The following MCPH1 variants were observed in gnomAD, a reference collection of about 807,000 sequenced individuals.
The protein encoded by MCPH1 is microcephalin.
In MCPH1, 104 loss-of-function variants were observed where a neutral mutation model predicts 84.5. The observed-to-expected ratio is 1.23, with a 90% CI of 1.05 to 1.45. The LOEUF is 1.45. Ranked by LOEUF, MCPH1 falls within the 40% of genes most tolerant of loss-of-function variation. The pLI is 0.00. For missense variants in MCPH1, 1,498 were observed against 1,005.7 expected, an observed-to-expected ratio of 1.49 and a Z score of -6.62; for synonymous variants, 514 against 366.8, an observed-to-expected ratio of 1.40 and a Z score of -4.58.
chr8:6,458,342 G>T (rs1805915956), intron 9 of MCPH1, among the ~76,000 whole-genome samples: 1 of 151,762 alleles, frequency 6.6e-6, no homozygotes, highest in South Asian at 2.1e-4. Context: ...CGTAGTGGCG[G>T]GCGCCTGTAG....
intron 7 of MCPH1, among the ~76,000 whole-genome samples, chr8:6,443,843 C>G (rs909957594): frequency 6.6e-6 from 1 of 152,186 alleles, no homozygotes; most frequent in East Asian, 1.9e-4. Flanking sequence ...TAGGAGGTAG[C>G]AGCAGCTTAG....
chr8:6,622,107 C>T (rs949886019), intron 13 of MCPH1: 3 of 327,696 alleles, frequency 9.2e-6, no homozygotes, highest in African/African-American at 2.1e-5. Flanking sequence ...CCTGTCATCT[C>T]CTCTCCCAGG....
Position 6,642,974 on chromosome 8 carries a change from G to A in MCPH1, c.2453-20G>A. On this transcript the variant is annotated intron_variant, in intron 13 of 13. Coordinates refer to ENST00000344683, the MANE Select transcript of MCPH1 (RefSeq NM_024596.5). ...GGCTGGCTATTATGAATGCTAAACT[G>A]CTTTTCGCTCTCTCTCTAGATTCCA... 6.2e-7 allele frequency: 1 copy of A among 1,612,620 alleles called. No homozygotes were observed.
At chr8:6,532,590 A>AG in intron 12 of MCPH1, 1 of 866,358 alleles carries the variant, frequency 1.2e-6, no homozygotes, top group East Asian at 3.0e-5. Flanking sequence ...AAAAAAAAAA[A>AG]AATCTATCAA....
intron 2 of MCPH1, among the ~76,000 whole-genome samples, chr8:6,412,224 A>C (rs1408587397): frequency 6.6e-6 from 1 of 152,116 alleles, no homozygotes; most frequent in East Asian, 1.9e-4. Flanking sequence ...AATACACTGG[A>C]ATGTAGGAAC....
intron 12 of MCPH1, among the ~76,000 whole-genome samples, chr8:6,551,411 G>A (rs1365337313): frequency 6.6e-6 from 1 of 152,192 alleles, no homozygotes; most frequent in Non-Finnish European, 1.5e-5. Context: ...TGTATTAAAA[G>A]TTGTCCAATT....
intron 12 of MCPH1, among the ~76,000 whole-genome samples, chr8:6,576,670 G>C (rs1827131641): frequency 8.5e-6 from 1 of 117,472 alleles, no homozygotes; most frequent in African/African-American, 3.1e-5. Context: ...ACCACGCTCT[G>C]CTAATTTTTG....
chr8:6,607,490 G>C (rs1829879345), intron 12 of MCPH1, among the ~76,000 whole-genome samples: 3 of 152,162 alleles, frequency 2.0e-5, no homozygotes, highest in African/African-American at 7.2e-5. Context: ...ACAGGGAAGG[G>C]CCCCAGCCAT....
At chr8:6,435,083 C>G (rs115618756) in intron 4 of MCPH1, among the ~76,000 whole-genome samples, 186 of 152,200 alleles carry the variant, frequency 1.2e-3, no homozygotes, top group African/African-American at 4.3e-3. Flanking sequence ...TGGATATCAG[C>G]CTGGGGTTTC....
At chr8:6,439,174 C>T in intron 6 of MCPH1, 78 bp downstream of exon 6, 1 of 1,428,628 alleles carries the variant, frequency 7.0e-7, no homozygotes, top group Non-Finnish European at 9.6e-7. Flanking sequence ...TTTTCTTTGC[C>T]TAGATATTTT....
At chr8:6,449,304 G>C (rs541586121) in intron 8 of MCPH1, among the ~76,000 whole-genome samples, 2 of 152,104 alleles carry the variant, frequency 1.3e-5, no homozygotes, top group African/African-American at 4.8e-5. Context: ...AAAATAGGTG[G>C]AAGCTCCTCA....
intron 9 of MCPH1, among the ~76,000 whole-genome samples, chr8:6,461,629 C>G (rs1806311189): frequency 6.6e-6 from 1 of 152,108 alleles, no homozygotes; most frequent in Non-Finnish European, 1.5e-5. Flanking sequence ...CGTGAGCCAC[C>G]ACACCCGGCC....
chr8:6,471,395 A>G (rs1750330404), intron 9 of MCPH1, among the ~76,000 whole-genome samples: 1 of 152,196 alleles, frequency 6.6e-6, no homozygotes, highest in Non-Finnish European at 1.5e-5. Flanking sequence ...ATTGCGCTGA[A>G]AAAAATGATA....
At chr8:6,558,171 A>T (rs1393159010) in intron 12 of MCPH1, among the ~76,000 whole-genome samples, 1 of 152,218 alleles carries the variant, frequency 6.6e-6, no homozygotes, top group Non-Finnish European at 1.5e-5. Context: ...TACGTGTTTT[A>T]AAAAGAAGGA....
intron 8 of MCPH1, among the ~76,000 whole-genome samples, chr8:6,452,178 T>C (rs966745304): frequency 2.0e-5 from 3 of 152,204 alleles, no homozygotes; most frequent in Non-Finnish European, 4.4e-5. Flanking sequence ...AAAGTGATCA[T>C]ATTAGTCATT....
chr8:6,425,133 T>C (rs566046039), intron 3 of MCPH1, among the ~76,000 whole-genome samples: 2 of 152,212 alleles, frequency 1.3e-5, no homozygotes, highest in Non-Finnish European at 2.9e-5. Context: ...TGGGAAGTGC[T>C]GGAGTGAATC....
chr8:6,550,587 T>A (rs1823467340), intron 12 of MCPH1, among the ~76,000 whole-genome samples: 1 of 152,148 alleles, frequency 6.6e-6, no homozygotes, highest in South Asian at 2.1e-4. Flanking sequence ...GTGTGACAGC[T>A]GTGGGCTGTG....
At chr8:6,638,962 G>A (rs925450892) in intron 13 of MCPH1, among the ~76,000 whole-genome samples, 1 of 152,170 alleles carries the variant, frequency 6.6e-6, no homozygotes, top group East Asian at 1.9e-4. Flanking sequence ...GCACCTCAAC[G>A]CCACTGCTCA....
Position 6,431,588 on chromosome 8 carries a change from T to C in MCPH1, c.321+2T>C, listed in dbSNP as rs374636201. On this transcript the variant is annotated splice_donor_variant, in intron 4 of 13. Coordinates refer to ENST00000344683, the MANE Select transcript of MCPH1 (RefSeq NM_024596.5). LOFTEE classifies it high-confidence loss of function. Reference sequence around the variant, plus strand: ...TTATCAAGCCTAATTAAAAAAAAAGTAAGTACATGATTTCAATGTAGATAA... The same window carrying C: ...TTATCAAGCCTAATTAAAAAAAAAGCAAGTACATGATTTCAATGTAGATAA... The C allele has an allele frequency of 1.9e-6, 3 of 1,576,060 alleles. No individual in the cohort carries two copies. In the African/African-American group the frequency reaches 4.1e-5, roughly 21 times the overall value.
Sources: gnomAD v4.1 joint callset for allele counts (sites outside exome capture counted in the v4.1 genomes callset) on GRCh38, gnomAD v4.1.1 for gene constraint, MANE v1.5 for transcripts, NCBI Gene and HGNC (gene_info 2026-07-23, HGNC 2026-07-21) for gene names.